TMEM18: variants seen among roughly 807,000 people sequenced by gnomAD.
TMEM18 encodes transmembrane protein 18.
TMEM18 carries 14 observed loss-of-function variants against 17.4 expected under a neutral mutation model. The observed-to-expected ratio is 0.80, with a 90% CI of 0.53 to 1.25. The LOEUF (loss-of-function observed/expected upper bound fraction) is 1.25. TMEM18 is among the 50% of genes most tolerant of loss of function. The pLI is 0.00. For synonymous variants in TMEM18, 86 were observed against 66.1 expected (o/e 1.30, Z -1.46); for missense variants, 187 against 172.1 (o/e 1.09, Z -0.48).
intron 3 of TMEM18, chr2:671,098 C>T (rs1678834974): frequency 6.6e-6 from 1 of 152,458 alleles, no homozygotes; most frequent in Non-Finnish European, 1.5e-5. Context: ...GGGAGCAGAG[C>T]AGTCGGACTG....
At chr2:670,115 A>T in intron 3 of TMEM18, 1 of 422,266 alleles carries the variant, frequency 2.4e-6, no homozygotes, top group Non-Finnish European at 4.2e-6. Flanking sequence ...GGCCTCCCCC[A>T]GCAGAGAGAC....
Position 675,532 on chromosome 2 carries a change from C to G in TMEM18, c.156G>C (p.Gln52His). The G allele has an allele frequency of 6.2e-7, 1 of 1,614,248 alleles. No individual in the cohort carries two copies. The change falls in exon 2 of 5, where the codon CAG (glutamine) becomes CAC (histidine). Residue 52 changes from glutamine (Q) to histidine (H), a missense_variant. Coordinates refer to ENST00000281017, the MANE Select transcript of TMEM18 (RefSeq NM_152834.4). ...CACCTAGACACAGAAAGTGCCCGAT[C>G]TGTAGTCTGTAGCTTCGGGAGGACA... ...TCLSSRSYRL[Q>H]IGHFLCLVIL...
At position 666,954 on chromosome 2, in the gene TMEM18, T is replaced by C. The variant is rs149551164; in HGVS notation, c.*2626A>G. 6.6e-6 allele frequency among the ~76,000 whole-genome samples: 1 copy of C among 151,794 alleles called. No homozygotes were observed. The highest frequency in any genetic ancestry group is 1.9e-4 in the East Asian group (1 of 5,170). ...TCTGACGGCAATTCTCGTCTGTCTTTAAGCATCCCACTCAACTTCGCGCCA... is the reference window on the plus strand; with the variant it reads ...TCTGACGGCAATTCTCGTCTGTCTTCAAGCATCCCACTCAACTTCGCGCCA... On this transcript the variant is annotated 3_prime_UTR_variant, in exon 5 of 5. Coordinates refer to ENST00000281017, the MANE Select transcript of TMEM18 (RefSeq NM_152834.4).
At chr2:669,995 G>T (rs1388383537) in intron 3 of TMEM18, 145 bp from the exon 4 acceptor site, 3 of 636,962 alleles carry the variant, frequency 4.7e-6, no homozygotes, top group Non-Finnish European at 5.5e-6. Flanking sequence ...CTTGGGAGCA[G>T]CGGTAATCTC....
intron 3 of TMEM18, among the ~76,000 whole-genome samples, chr2:671,408 CT>C (rs1678848735): frequency 1.8e-4 from 26 of 143,802 alleles, no homozygotes; most frequent in African/African-American, 5.8e-4. Flanking sequence ...AGGCAGGGTC[CT>C]CCTGGGACTG....
At position 669,381 on chromosome 2, in the gene TMEM18, C is replaced by A; in HGVS notation, c.*199G>T. The A allele has an allele frequency of 3.2e-6, 2 of 618,574 alleles. No homozygotes were observed. The highest frequency in any genetic ancestry group is 5.8e-6 in the Non-Finnish European group (2 of 347,082). 38.3% of individuals were successfully genotyped at this position (618,574 alleles called of 1,614,324 possible). On this transcript the variant is annotated 3_prime_UTR_variant, in exon 5 of 5. Transcript: ENST00000281017. ...ACTACAAAGATCAGGCACCTGAAGACGCATGTCCTGATGGATACATTCAGT... is the reference window on the plus strand; with the variant it reads ...ACTACAAAGATCAGGCACCTGAAGAAGCATGTCCTGATGGATACATTCAGT...
intron 1 of TMEM18, 96 bp downstream of exon 1, chr2:677,193 G>A (rs1572415538): frequency 3.4e-6 from 5 of 1,468,778 alleles, no homozygotes; most frequent in Non-Finnish European, 4.6e-6. Context: ...CCACGGCCGG[G>A]GCCTTCTTGG....
At chr2:676,230 C>G (rs1659194023) in intron 1 of TMEM18, 2 of 1,404,022 alleles carry the variant, frequency 1.4e-6, no homozygotes, top group Non-Finnish European at 1.9e-6. Flanking sequence ...CCCCGGGACC[C>G]TGCTGTACCT....
At chr2:671,129 T>C (rs928988814) in intron 3 of TMEM18, among the ~76,000 whole-genome samples, 3 of 152,030 alleles carry the variant, frequency 2.0e-5, no homozygotes, top group African/African-American at 7.2e-5. Flanking sequence ...TTTGAGATGT[T>C]TGTTAGACGT....
intron 3 of TMEM18, among the ~76,000 whole-genome samples, chr2:671,147 C>T (rs1678837511): frequency 1.3e-5 from 2 of 151,952 alleles, no homozygotes; most frequent in Non-Finnish European, 2.9e-5. Context: ...CGTCCTGGTG[C>T]CCAGTCCAAC....
Position 664,969 on chromosome 2 carries a change from C to G in TMEM18, c.*4611G>C, listed in dbSNP as rs1226412186. Among the ~76,000 whole-genome samples, 3 of 152,146 alleles carry G rather than the reference C, an allele frequency of 2.0e-5. No individual in the cohort carries two copies. Among genetic ancestry groups the G allele is most frequent in the African/African-American group, 7.2e-5 (3 of 41,424 alleles). ...CATCATGATAATAGGGACTACATTA[C>G]TTTATAGAAGATAGACTTACAGAAA... is the stretch of plus-strand genomic sequence containing the variant. On this transcript the variant is annotated 3_prime_UTR_variant, in exon 5 of 5. Transcript: ENST00000281017.
rs574301925 is a variant in TMEM18 at position 667,576 on chromosome 2, G to T, written c.*2004C>A. The T allele has an allele frequency of 6.6e-6, 1 of 152,176 alleles. No homozygotes were observed. The allele number at this position is 152,176 out of a possible 1,614,324, so 9.4% of individuals were successfully genotyped here. A position where few individuals can be genotyped will look rare whatever the true frequency, so the allele number is the denominator to read the frequency against. On this transcript the variant is annotated 3_prime_UTR_variant, in exon 5 of 5. Transcript: ENST00000281017. ...AAAGTGGGATTGCACCTGTGCTTTCGTAAATTACTCAACTGCTGATCATTT... is the reference window on the plus strand; with the variant it reads ...AAAGTGGGATTGCACCTGTGCTTTCTTAAATTACTCAACTGCTGATCATTT...
chr2:675,781 G>A (rs2103094803), intron 1 of TMEM18, 151 bp from the exon 2 acceptor site: 2 of 1,533,368 alleles, frequency 1.3e-6, no homozygotes, highest in East Asian at 2.5e-5. Flanking sequence ...AGCATTGCCA[G>A]GCCTCAGAGA....
chr2:671,942 G>A (rs1356826020), intron 3 of TMEM18, among the ~76,000 whole-genome samples: 1 of 152,204 alleles, frequency 6.6e-6, no homozygotes. Context: ...CAGAGACAGT[G>A]CTGCAGGGAC....
intron 3 of TMEM18, chr2:670,952 A>C (rs1472303475): frequency 6.6e-6 from 1 of 152,168 alleles, no homozygotes; most frequent in Non-Finnish European, 1.5e-5. Context: ...CGGGTCGGCG[A>C]GGGTGGGGTG....
chr2:674,795 G>A (rs1053662836), intron 2 of TMEM18, among the ~76,000 whole-genome samples: 4 of 152,216 alleles, frequency 2.6e-5, no homozygotes, highest in Non-Finnish European at 5.9e-5. Context: ...GTCAAGAGTA[G>A]CCTGAGCCAG....
intron 3 of TMEM18, 26 bp from the exon 4 acceptor site, chr2:669,876 T>G (rs765995956): frequency 1.3e-6 from 2 of 1,580,654 alleles, no homozygotes; most frequent in Non-Finnish European, 8.6e-7. Context: ...AAACAAAAAA[T>G]TACTAGGCAA....
At chr2:676,571 C>A (rs1296900365) in intron 1 of TMEM18, 14 of 1,550,488 alleles carry the variant, frequency 9.0e-6, no homozygotes, top group Non-Finnish European at 1.2e-5. Context: ...TCAATGCACC[C>A]ACCAGAAGAC....
At chr2:670,589 C>T (rs1261505127) in intron 3 of TMEM18, 1 of 152,626 alleles carries the variant, frequency 6.6e-6, no homozygotes, top group African/African-American at 2.4e-5. Context: ...TGGGTCAACA[C>T]CTCATGAGCA....
Sources: gnomAD v4.1 joint callset for allele counts (sites outside exome capture counted in the v4.1 genomes callset) on GRCh38, gnomAD v4.1.1 for gene constraint, MANE v1.5 for transcripts, NCBI Gene and HGNC (gene_info 2026-07-23, HGNC 2026-07-21) for gene names.